The following GRIP1 variants were observed in gnomAD, a reference collection of about 807,000 sequenced individuals.
The protein encoded by GRIP1 is glutamate receptor-interacting protein 1.
In GRIP1, 45 loss-of-function variants were observed where a neutral mutation model predicts 129.9. The ratio of observed to expected loss-of-function variants is 0.35; its 90% CI spans 0.27 to 0.44. The LOEUF is 0.44. Ranked by LOEUF, GRIP1 falls within the 20% of genes least tolerant of loss-of-function variation. The probability of loss-of-function intolerance (pLI) is 1.00; values close to 1 mark genes in which losing one functional copy is unlikely to be tolerated. For missense variants in GRIP1, 1,196 were observed against 1,396.8 expected, an observed-to-expected ratio of 0.86 and a Z score of 2.29; for synonymous variants, 530 against 520.8, an observed-to-expected ratio of 1.02 and a Z score of -0.24.
At chr12:66,472,513 T>A (rs984087025) in intron 7 of GRIP1, among the ~76,000 whole-genome samples, 1 of 152,318 alleles carries the variant, frequency 6.6e-6, no homozygotes, top group East Asian at 1.9e-4. Flanking sequence ...TACAAAAATA[T>A]TGAGTTATCT....
At chr12:66,740,526 G>A (rs561024776) in intron 1 of GRIP1, among the ~76,000 whole-genome samples, 14 of 152,222 alleles carry the variant, frequency 9.2e-5, no homozygotes, top group Admixed American at 6.5e-4. Flanking sequence ...GAGTTCTAAC[G>A]CCAAAAGTGC....
chr12:66,427,941 T>C (rs1232445255), intron 14 of GRIP1, among the ~76,000 whole-genome samples: 1 of 152,210 alleles, frequency 6.6e-6, no homozygotes, highest in African/African-American at 2.4e-5. Context: ...TCTCCATGTA[T>C]TGATTTATGA....
chr12:66,701,752 G>A (rs1343426217), intron 1 of GRIP1, among the ~76,000 whole-genome samples: 1 of 152,158 alleles, frequency 6.6e-6, no homozygotes, highest in Non-Finnish European at 1.5e-5. Flanking sequence ...CACACAGTAA[G>A]TGTTCAATAA....
At chr12:66,689,902 A>G (rs2034919013) in intron 1 of GRIP1, among the ~76,000 whole-genome samples, 2 of 151,924 alleles carry the variant, frequency 1.3e-5, no homozygotes, top group Non-Finnish European at 2.9e-5. Context: ...TAATTTTAAA[A>G]TTATTTATTT....
chr12:66,679,172 G>A (rs765411938), upstream of GRIP1: 8 of 1,366,780 alleles, frequency 5.9e-6, 1 homozygote, highest in East Asian at 5.9e-5. Flanking sequence ...ATGCCGTTTC[G>A]ATAGCAACAA....
At chr12:66,889,584 G>A (rs2040622603) in intron 1 of GRIP1, among the ~76,000 whole-genome samples, 1 of 152,204 alleles carries the variant, frequency 6.6e-6, no homozygotes, top group South Asian at 2.1e-4. Flanking sequence ...AAGTAACTAT[G>A]CCAAATAATC....
chr12:66,375,230 C>T (rs968467476), intron 22 of GRIP1, among the ~76,000 whole-genome samples: 1 of 152,086 alleles, frequency 6.6e-6, no homozygotes, highest in African/African-American at 2.4e-5. Context: ...AAAAACTTGT[C>T]CAAAGACTCA....
chr12:67,004,009 T>C (rs11176528), intron 1 of GRIP1, among the ~76,000 whole-genome samples: 13,245 of 152,248 alleles, frequency 0.087, 671 homozygotes, highest in Non-Finnish European at 0.11. Flanking sequence ...TCATTCTAAC[T>C]GATGCCTCCG....
chr12:66,644,649 C>T (rs935691854), intron 1 of GRIP1, among the ~76,000 whole-genome samples: 1 of 152,164 alleles, frequency 6.6e-6, no homozygotes, highest in African/African-American at 2.4e-5. Flanking sequence ...ATTTATCAAA[C>T]CATGTCAAAT....
At chr12:66,568,135 C>A in intron 2 of GRIP1, 1 of 274,316 alleles carries the variant, frequency 3.6e-6, no homozygotes, top group Non-Finnish European at 7.3e-6. Flanking sequence ...TTTTGGAAAC[C>A]CAGGGAACTG....
intron 17 of GRIP1, among the ~76,000 whole-genome samples, chr12:66,393,872 T>C (rs1280714274): frequency 1.3e-5 from 2 of 152,206 alleles, no homozygotes; most frequent in Non-Finnish European, 2.9e-5. Flanking sequence ...GTTTGCTGAA[T>C]GAAATTGGAC....
At chr12:66,585,333 A>G (rs1276115792) in intron 2 of GRIP1, among the ~76,000 whole-genome samples, 1 of 128,892 alleles carries the variant, frequency 7.8e-6, no homozygotes, top group East Asian at 2.3e-4. Flanking sequence ...ATTCCCACCT[A>G]TGAGTGAGAA....
At chr12:66,828,836 G>A (rs115934212) in intron 1 of GRIP1, among the ~76,000 whole-genome samples, 1 of 152,102 alleles carries the variant, frequency 6.6e-6, no homozygotes, top group Admixed American at 6.5e-5. Flanking sequence ...ATTAAGGGAA[G>A]GGATTTAACT....
At chr12:66,379,201 T>C (rs2055974819) in intron 20 of GRIP1, 79 bp downstream of exon 20, 26 of 1,349,382 alleles carry the variant, frequency 1.9e-5, no homozygotes, top group Non-Finnish European at 2.8e-5. Flanking sequence ...TATGTGCTAC[T>C]GGAAGTACAG....
At chr12:66,355,128 T>C (rs1272832477) in intron 23 of GRIP1, among the ~76,000 whole-genome samples, 1 of 152,130 alleles carries the variant, frequency 6.6e-6, no homozygotes, top group Non-Finnish European at 1.5e-5. Context: ...GAAAATGCAG[T>C]CTCAGACCCA....
intron 1 of GRIP1, among the ~76,000 whole-genome samples, chr12:66,708,675 C>CT (rs565821087): frequency 7.9e-5 from 12 of 151,694 alleles, no homozygotes; most frequent in Non-Finnish European, 1.3e-4. Context: ...TATGCATATA[C>CT]TTTTTTTATT....
At position 67,016,601 on chromosome 12, in the gene GRIP1, C is replaced by T. The variant is rs147554135; in HGVS notation, c.58+52449G>A. On this transcript the variant is annotated intron_variant, in intron 1 of 1. Transcript: ENST00000643019. Reference sequence around the variant, plus strand: ...TTACTTCTGACCTGCTGTCCCCCCACTTTATCTTAACTAGAGTTAAGAATT... The same window carrying T: ...TTACTTCTGACCTGCTGTCCCCCCATTTTATCTTAACTAGAGTTAAGAATT... 2.2e-4 allele frequency among the ~76,000 whole-genome samples: 33 copies of T among 152,196 alleles called. No individual in the cohort carries two copies. In the East Asian group the frequency reaches 6.0e-3, roughly 28 times the overall value.
chr12:66,999,474 A>G lies in GRIP1; in HGVS notation c.58+69576T>C, dbSNP rs576107031. Among the ~76,000 whole-genome samples the G allele has an allele frequency of 2.0e-5, 3 of 152,312 alleles. No homozygotes were observed. In the East Asian group the frequency reaches 5.8e-4, roughly 29 times the overall value. ...AACAATTATACTTTGCTGCCTCTCT[A>G]TATAATAAACGCTATTCAAACACAC... On this transcript the variant is annotated intron_variant, in intron 1 of 1. Transcript: ENST00000643019.
chr12:66,631,364 G>C (rs1331942708), intron 1 of GRIP1, among the ~76,000 whole-genome samples: 6 of 152,134 alleles, frequency 3.9e-5, no homozygotes, highest in African/African-American at 1.4e-4. Flanking sequence ...TTCCCACAGA[G>C]CATCTTGTAC....
Sources: allele counts gnomAD v4.1 joint callset (sites outside exome capture counted in the v4.1 genomes callset), GRCh38; gene constraint gnomAD v4.1.1; transcripts MANE v1.5; gene names NCBI Gene and HGNC (gene_info 2026-07-23, HGNC 2026-07-21).